CSMD1: variants seen among roughly 807,000 people sequenced by gnomAD.
CSMD1 encodes CUB and Sushi multiple domains 1, also known as CUB and sushi domain-containing protein 1.
Under a neutral mutation model 417.5 loss-of-function variants are expected in CSMD1, and 213 were observed. The ratio of observed to expected loss-of-function variants is 0.51; its 90% CI spans 0.46 to 0.57. The LOEUF (loss-of-function observed/expected upper bound fraction) is 0.57. CSMD1 is among the 20% of genes least tolerant of loss of function. The probability of loss-of-function intolerance (pLI) is 0.00; values close to 1 mark genes in which losing one functional copy is unlikely to be tolerated. For synonymous variants in CSMD1, 2,862 were observed against 1,736.8 expected (o/e 1.65, Z -16.11); for missense variants, 6,923 against 4,529.7 (o/e 1.53, Z -15.17).
intron 28 of CSMD1, among the ~76,000 whole-genome samples, chr8:3,222,798 A>C (rs1798291744): frequency 6.6e-6 from 1 of 152,208 alleles, no homozygotes; most frequent in Admixed American, 6.5e-5. Context: ...TAAATTCAGG[A>C]AAAGATGACT....
intron 4 of CSMD1, among the ~76,000 whole-genome samples, chr8:4,026,531 T>G (rs1360376655): frequency 2.0e-5 from 3 of 152,086 alleles, no homozygotes; most frequent in Non-Finnish European, 4.4e-5. Flanking sequence ...AAAAAAGCAA[T>G]AAACAATGAA....
chr8:3,002,950 T>G (rs1193513172), intron 52 of CSMD1, among the ~76,000 whole-genome samples: 2 of 152,238 alleles, frequency 1.3e-5, no homozygotes, highest in Non-Finnish European at 2.9e-5. Flanking sequence ...GAAAAAAAAG[T>G]TATGTATCAG....
chr8:4,030,381 G>T (rs1797281102), intron 4 of CSMD1, among the ~76,000 whole-genome samples: 1 of 152,146 alleles, frequency 6.6e-6, no homozygotes, highest in Non-Finnish European at 1.5e-5. Context: ...CCAAATTATT[G>T]ACTTCTACAC....
intron 1 of CSMD1, among the ~76,000 whole-genome samples, chr8:4,888,440 T>C (rs1024674928): frequency 2.6e-5 from 4 of 151,918 alleles, no homozygotes; most frequent in Non-Finnish European, 2.9e-5. Context: ...ACATATGATA[T>C]ACATATATAT....
intron 3 of CSMD1, among the ~76,000 whole-genome samples, chr8:4,234,254 T>C (rs774812234): frequency 6.6e-6 from 1 of 152,168 alleles, no homozygotes; most frequent in East Asian, 1.9e-4. Context: ...CAGGAGGTTG[T>C]GAATGAACAA....
intron 8 of CSMD1, among the ~76,000 whole-genome samples, chr8:3,607,352 G>C (rs1342278365): frequency 2.0e-5 from 3 of 151,698 alleles, no homozygotes; most frequent in Non-Finnish European, 4.4e-5. Flanking sequence ...GGACCTGCCT[G>C]GGGCTGTTTA....
chr8:4,941,135 G>C lies in CSMD1; in HGVS notation c.85+53197C>G, dbSNP rs533025679. On this transcript the variant is annotated intron_variant, in intron 1 of 69. Transcript: ENST00000635120. ...CTTTCGCCTCTGATTTTGACTAATT[G>C]GTTTTACAATAAATTGGATCACTCA... is the stretch of plus-strand genomic sequence containing the variant. Among the ~76,000 whole-genome samples the C allele has an allele frequency of 5.3e-5, 8 of 151,968 alleles. No individual in the cohort carries two copies. The East Asian group carries it at 9.7e-4, about 18-fold the overall frequency.
At chr8:3,558,557 C>G (rs1337980087) in intron 10 of CSMD1, among the ~76,000 whole-genome samples, 1 of 147,986 alleles carries the variant, frequency 6.8e-6, no homozygotes. Context: ...CAATGGTACC[C>G]CGTGTCCACT....
In CSMD1 at chr8:4,812,592, G is replaced by T. The variant is rs111365809; in HGVS notation, c.86-175034C>A. On this transcript the variant is annotated intron_variant, in intron 1 of 69. Transcript: ENST00000635120. Reference sequence around the variant, plus strand: ...CAATTATATATTAAAGTCAATCCAAGCAAGCTTTTTTTAAAAAAACCTACA... The same window carrying T: ...CAATTATATATTAAAGTCAATCCAATCAAGCTTTTTTTAAAAAAACCTACA... 3.5e-3 allele frequency among the ~76,000 whole-genome samples: 533 copies of T among 151,154 alleles called. 9 individuals are homozygous for T. The highest frequency in any genetic ancestry group is 0.012 in the African/African-American group (497 of 41,226).
At chr8:3,412,947 G>C (rs1440630519) in intron 12 of CSMD1, among the ~76,000 whole-genome samples, 1 of 152,166 alleles carries the variant, frequency 6.6e-6, no homozygotes, top group Non-Finnish European at 1.5e-5. Context: ...GGCGCCCAGG[G>C]TCCTGGCATA....
At chr8:4,366,854 G>C (rs939096031) in intron 3 of CSMD1, among the ~76,000 whole-genome samples, 1 of 152,058 alleles carries the variant, frequency 6.6e-6, no homozygotes, top group African/African-American at 2.4e-5. Flanking sequence ...CTTCTTTTGA[G>C]AAGTGCCTGT....
At chr8:4,191,419 A>C (rs1799025546) in intron 3 of CSMD1, among the ~76,000 whole-genome samples, 2 of 151,940 alleles carry the variant, frequency 1.3e-5, no homozygotes. Context: ...AACAAAACAA[A>C]ACAAAACAAA....
At chr8:4,643,265 G>T (rs1399360928) in intron 1 of CSMD1, among the ~76,000 whole-genome samples, 1 of 152,094 alleles carries the variant, frequency 6.6e-6, no homozygotes, top group African/African-American at 2.4e-5. Context: ...TACACTCAGG[G>T]GCAGTGTCGA....
rs1223895792 is a variant in CSMD1 at position 2,938,329 on chromosome 8, GTGTGCCTTGA to G, written c.*246_*255del. ...GGCGCGACGTGGCAGTCTTCCTGGA[GTGTGCCTTGA>G]TTTCATACAGATGCAGCCAGGCATT... On this transcript the variant is annotated 3_prime_UTR_variant, in exon 70 of 70. Transcript: ENST00000635120. The G allele has an allele frequency of 2.6e-5, 11 of 420,912 alleles. No individual in the cohort carries two copies. Among genetic ancestry groups the G allele is most frequent in the Non-Finnish European group, 4.2e-5 (10 of 238,046 alleles). The allele number at this position is 420,912 out of a possible 1,614,324, so 26.1% of individuals were successfully genotyped here. A position where few individuals can be genotyped will look rare whatever the true frequency, so the allele number is the denominator to read the frequency against.
intron 5 of CSMD1, among the ~76,000 whole-genome samples, chr8:3,885,740 T>G (rs972075594): frequency 2.6e-5 from 4 of 152,080 alleles, no homozygotes; most frequent in Non-Finnish European, 5.9e-5. Context: ...ATCAGCCCCT[T>G]CTCCATCTCA....
intron 57 of CSMD1, among the ~76,000 whole-genome samples, chr8:2,969,534 T>G (rs544661562): frequency 1.8e-3 from 269 of 152,308 alleles, no homozygotes; most frequent in African/African-American, 6.1e-3. Context: ...TATAATTTCC[T>G]CCTCCTTTTT....
chr8:3,560,618 A>G lies in CSMD1; in HGVS notation c.1344+14327T>C, dbSNP rs1048951411. Among the ~76,000 whole-genome samples, 12 of 152,300 alleles carry G rather than the reference A, an allele frequency of 7.9e-5. No individual in the cohort carries two copies. The East Asian group carries it at 2.3e-3, about 29-fold the overall frequency. On this transcript the variant is annotated intron_variant, in intron 10 of 69. Coordinates refer to ENST00000635120, the MANE Select transcript of CSMD1 (RefSeq NM_033225.6). ...ATGGAAAGGCTAGAGAAAAGGGGGA[A>G]TGAGATGGCGGGATGATATAAAAAC...
intron 5 of CSMD1, among the ~76,000 whole-genome samples, chr8:3,782,561 G>A (rs1799239277): frequency 6.6e-6 from 1 of 152,112 alleles, no homozygotes. Flanking sequence ...TGAGTTGATG[G>A]GCGCAGCAAA....
At chr8:3,087,318 C>G (rs757117918) in intron 48 of CSMD1, 33 bp from the exon 49 acceptor site, 2 of 1,603,232 alleles carry the variant, frequency 1.2e-6, no homozygotes, top group Non-Finnish European at 1.7e-6. Flanking sequence ...AGAAATAAGT[C>G]AACAAGCAAA....
Sources: gnomAD v4.1 joint callset for allele counts (sites outside exome capture counted in the v4.1 genomes callset) on GRCh38, gnomAD v4.1.1 for gene constraint, MANE v1.5 for transcripts, NCBI Gene and HGNC (gene_info 2026-07-23, HGNC 2026-07-21) for gene names.